CP: variants seen among roughly 807,000 people sequenced by gnomAD.
CP encodes the protein ceruloplasmin.
Under a neutral mutation model 122.4 loss-of-function variants are expected in CP, and 64 were observed. The ratio of observed to expected loss-of-function variants is 0.52; its 90% CI spans 0.43 to 0.64. CP has a LOEUF of 0.64. Ranked by LOEUF, CP falls within the 30% of genes least tolerant of loss-of-function variation. CP has a pLI of 0.00. For synonymous variants in CP, 440 were observed against 436.4 expected, an observed-to-expected ratio of 1.01 and a Z score of -0.10; for missense variants, 1,167 against 1,284.4, an observed-to-expected ratio of 0.91 and a Z score of 1.40.
chr3:149,172,844 T>C lies in CP; in HGVS notation c.*870A>G, dbSNP rs1274001863. 1 of 152,652 alleles carries C rather than the reference T, an allele frequency of 6.6e-6. No homozygotes were observed. The highest frequency in any genetic ancestry group is 1.5e-5 in the Non-Finnish European group (1 of 68,114). 9.5% of individuals were successfully genotyped at this position (152,652 alleles called of 1,614,324 possible). A position where few individuals can be genotyped will look rare whatever the true frequency, so the allele number is the denominator to read the frequency against. ...TCTTCTTGTCTAGCTATTAACATGATTTGTCAAATGCATGTTTTTTTCAGC... is the reference window on the plus strand; with the variant it reads ...TCTTCTTGTCTAGCTATTAACATGACTTGTCAAATGCATGTTTTTTTCAGC... On this transcript the variant is annotated 3_prime_UTR_variant, in exon 19 of 19. Coordinates refer to ENST00000264613, the MANE Select transcript of CP (RefSeq NM_000096.4).
chr3:149,177,932 C>T lies in CP; in HGVS notation c.2926G>A (p.Val976Met), dbSNP rs192063766. The change falls in exon 17 of 19, where the codon GTG becomes ATG. Residue 976 changes from valine to methionine, a missense_variant. Coordinates refer to ENST00000264613, the MANE Select transcript of CP (RefSeq NM_000096.4). ...FGNLQGLTMH[V>M]GDEVNWYLMG... is the part of the protein sequence containing the mutation. Reference sequence around the variant, plus strand: ...AGATACCAGTTGACTTCATCTCCCACGTGCATTGTGAGGCCTTGTAGGTTT... The same window carrying T: ...AGATACCAGTTGACTTCATCTCCCATGTGCATTGTGAGGCCTTGTAGGTTT... 2.7e-5 allele frequency: 43 copies of T among 1,613,446 alleles called. No homozygotes were observed. In the African/African-American group the frequency reaches 3.9e-4, roughly 15 times the overall value.
chr3:149,198,124 C>T (rs905232774), intron 9 of CP, among the ~76,000 whole-genome samples: 2 of 152,006 alleles, frequency 1.3e-5, no homozygotes, highest in African/African-American at 4.8e-5. Flanking sequence ...AACAACAGAC[C>T]TAAAAAGTCA....
At chr3:149,186,884 C>T (rs1015693786) in intron 10 of CP, 152 bp from the exon 11 acceptor site, 11 of 731,718 alleles carry the variant, frequency 1.5e-5, no homozygotes, top group African/African-American at 1.4e-4. Flanking sequence ...ATCCTTGCAA[C>T]TCCTTGTGGT....
In CP at chr3:149,188,035, G is replaced by T. The variant is rs1277795586; in HGVS notation, c.1864+17C>A. On this transcript the variant is annotated intron_variant, in intron 10 of 18. Transcript: ENST00000264613. ...ACTAAAATAACTTGGTAGATTGGTGGATGATGCAGTACTTACAGTGCATTT... is the reference window on the plus strand; with the variant it reads ...ACTAAAATAACTTGGTAGATTGGTGTATGATGCAGTACTTACAGTGCATTT... 1 of 1,611,024 alleles carries T rather than the reference G, an allele frequency of 6.2e-7. No individual in the cohort carries two copies. The highest frequency in any genetic ancestry group is 8.5e-7 in the Non-Finnish European group (1 of 1,179,402).
chr3:149,189,189 AACAAG>A (rs1404189921), intron 9 of CP, among the ~76,000 whole-genome samples: 1 of 152,210 alleles, frequency 6.6e-6, no homozygotes, highest in African/African-American at 2.4e-5. Context: ...GCTTCCTGAA[AACAAG>A]ACAAAATTAC....
rs373189626 is a variant in CP, at chr3:149,206,074, C to T, written c.1208+94G>A. The T allele has an allele frequency of 1.6e-4, 178 of 1,141,152 alleles. 2 individuals are homozygous for T. In the African/African-American group the frequency reaches 2.5e-3, roughly 16 times the overall value. 70.7% of individuals were successfully genotyped at this position (1,141,152 alleles called of 1,614,324 possible). A position where few individuals can be genotyped will look rare whatever the true frequency, so the allele number is the denominator to read the frequency against. On this transcript the variant is annotated intron_variant, in intron 6 of 18. Transcript: ENST00000264613. ...CAGTCTAGTTACTCAATTTCAGATA[C>T]CAATTAAAATTTTAATTGCTGAATT...
chr3:149,207,372 G>A lies in CP; in HGVS notation c.1027C>T (p.His343Tyr), dbSNP rs1373064589. Residue 343 changes from histidine to tyrosine, a missense_variant, in exon 5 of 19, where the codon CAT becomes TAT. His to Tyr is a moderately conservative substitution (Grantham distance 83, BLOSUM62 2). This residue lies in a region of CP where 642 missense variants were observed against 627.3 expected (regional missense o/e 1.02). Coordinates refer to ENST00000264613, the MANE Select transcript of CP (RefSeq NM_000096.4). ...EWMLSCQNLN[H>Y]LKAGLQAFFQ... ...GGTAAAGATGTCCTACCTTTCAGAT[G>A]GTTTAGATTCTGACAGCTGAGCATC... 6.2e-7 allele frequency: 1 copy of A among 1,613,844 alleles called. No homozygotes were observed. Among genetic ancestry groups the A allele is most frequent in the Non-Finnish European group, 8.5e-7 (1 of 1,179,774 alleles).
chr3:149,166,210 G>A (rs904652611), intron 4 of CP, among the ~76,000 whole-genome samples: 2 of 152,214 alleles, frequency 1.3e-5, no homozygotes, highest in Non-Finnish European at 2.9e-5. Flanking sequence ...TAAATTCTGA[G>A]ATAATACTGC....
Position 149,212,662 on chromosome 3 carries a change from A to C in CP, c.183T>G (p.Asp61Glu), listed in dbSNP as rs752230573. 14 of 1,613,746 alleles carry C rather than the reference A, an allele frequency of 8.7e-6. No homozygotes were observed. The highest frequency in any genetic ancestry group is 1.2e-5 in the Non-Finnish European group (14 of 1,179,946). Residue 61 changes from aspartate (D) to glutamate (E), a missense_variant, in exon 2 of 19, where the codon GAT (aspartate) becomes GAG (glutamate). Asp to Glu is a conservative substitution (Grantham distance 45). Coordinates refer to ENST00000264613, the MANE Select transcript of CP (RefSeq NM_000096.4). ...HSNIYLQNGP[D>E]RIGRLYKKAL... Reference sequence around the variant, plus strand: ...CCTTCTTATATAGTCTCCCAATTCTATCTGGGCCATTTTGAAGATAGATAT... The same window carrying C: ...CCTTCTTATATAGTCTCCCAATTCTCTCTGGGCCATTTTGAAGATAGATAT...
intron 1 of CP, among the ~76,000 whole-genome samples, chr3:149,214,417 T>C (rs184391924): frequency 7.2e-5 from 11 of 152,198 alleles, no homozygotes; most frequent in Admixed American, 7.2e-4. Context: ...ACCAATACAC[T>C]GGGAATACCA....
chr3:149,210,051 C>T (rs1728003459), intron 3 of CP, 116 bp downstream of exon 3: 2 of 984,562 alleles, frequency 2.0e-6, no homozygotes, highest in Admixed American at 1.9e-5. Context: ...CTACTTACCA[C>T]CTCTCTACCT....
At chr3:149,167,127 G>T (rs1443164383) in intron 4 of CP, 1 of 1,613,710 alleles carries the variant, frequency 6.2e-7, no homozygotes. Flanking sequence ...CAGTGTCCAT[G>T]TTCTGTGTCG....
rs553394371 is a variant in CP, at chr3:149,166,901, T to C, written c.587-851A>G. 7 of 726,928 alleles carry C rather than the reference T, an allele frequency of 9.6e-6. No individual in the cohort carries two copies. The East Asian group carries it at 1.5e-4, about 16-fold the overall frequency. 45.0% of individuals were successfully genotyped at this position (726,928 alleles called of 1,614,324 possible). On this transcript the variant is annotated intron_variant, in intron 4 of 5. Coordinates refer to the CP transcript ENST00000479771. ...ATTTATTAAATAAGGACCACGTGCA[T>C]GTGCTCTAATATGGCATTCTTTCTA...
chr3:149,192,981 T>TATAC (rs1553760444), intron 9 of CP, among the ~76,000 whole-genome samples: 3 of 148,704 alleles, frequency 2.0e-5, no homozygotes, highest in African/African-American at 7.4e-5. Flanking sequence ...TGATCCTGTA[T>TATAC]ACACACACAC....
chr3:149,162,939 CTTATTTTT>C, intron 5 of CP: 1 of 1,308,716 alleles, frequency 7.6e-7, no homozygotes, highest in South Asian at 1.2e-5. Flanking sequence ...AAAAACATAC[CTTATTTTT>C]AATAACTTAT....
intron 6 of CP, among the ~76,000 whole-genome samples, 160 bp from the exon 7 acceptor site, chr3:149,202,401 A>G (rs1559952654): frequency 6.6e-6 from 1 of 152,192 alleles, no homozygotes; most frequent in Non-Finnish European, 1.5e-5. Context: ...AACAAAGCAG[A>G]CAGTTCCAGT....
At chr3:149,167,105 T>C in intron 4 of CP, 1 of 1,613,932 alleles carries the variant, frequency 6.2e-7, no homozygotes, top group East Asian at 2.2e-5. Flanking sequence ...CAGAAGACAC[T>C]ATTGCCGGCC....
intron 4 of CP, among the ~76,000 whole-genome samples, chr3:149,166,362 A>C (rs537413027): frequency 1.3e-5 from 2 of 152,322 alleles, no homozygotes; most frequent in South Asian, 4.1e-4. Context: ...AACTACAGGA[A>C]GGGGTGTAAA....
chr3:149,214,533 G>A (rs1396223154), intron 1 of CP, among the ~76,000 whole-genome samples: 6 of 152,078 alleles, frequency 3.9e-5, no homozygotes, highest in Non-Finnish European at 8.8e-5. Flanking sequence ...CTGGTGGGAG[G>A]GCTAAGCTAG....
Sources: allele counts gnomAD v4.1 joint callset (sites outside exome capture counted in the v4.1 genomes callset), GRCh38; gene constraint gnomAD v4.1.1; regional missense constraint gnomAD v4.1.1; transcripts MANE v1.5; gene names NCBI Gene and HGNC (gene_info 2026-07-23, HGNC 2026-07-21).